IL1RL1: variants seen among roughly 807,000 people sequenced by gnomAD.
The protein encoded by IL1RL1 is interleukin 1 receptor like 1, also known as interleukin-1 receptor-like 1.
IL1RL1 carries 32 observed loss-of-function variants against 50.9 expected under a neutral mutation model. The observed-to-expected ratio is 0.63, with a 90% CI of 0.47 to 0.84. The LOEUF is 0.84. Among genes scored for constraint, IL1RL1 ranks in the 40% least tolerant of loss-of-function variants. IL1RL1 has a pLI of 0.00. For synonymous variants in IL1RL1, 275 were observed against 236.0 expected (o/e 1.17, Z -1.51); for missense variants, 773 against 662.9 (o/e 1.17, Z -1.82).
rs566099194 is a variant in IL1RL1, at chr2:102,331,697, T to C, written c.-149-6419T>C. Among the ~76,000 whole-genome samples, 5 of 152,328 alleles carry C rather than the reference T, an allele frequency of 3.3e-5. No homozygotes were observed. In the East Asian group the frequency reaches 7.7e-4, roughly 23 times the overall value. ...CATGGTGAAAGACAGACTGCTCCTG[T>C]TTAGATCCATATATAAAAGCTTTAT... On this transcript the variant is annotated intron_variant, in intron 1 of 10. Transcript: ENST00000233954.
At chr2:102,338,596 G>C (rs13408569) in intron 2 of IL1RL1, among the ~76,000 whole-genome samples, 26,577 of 152,140 alleles carry the variant, frequency 0.17, 2,649 homozygotes, top group African/African-American at 0.26. Flanking sequence ...TTTATTGACT[G>C]ACACACAGTT....
In IL1RL1 at chr2:102,339,061, G is replaced by A. The variant is rs2104984829; in HGVS notation, c.272+14G>A. ...TATTGTCAGAAGGTATTATGCAGAA[G>A]GCTCCCATCTTCTTTCACCCTGCTC... On this transcript the variant is annotated intron_variant, in intron 3 of 10. Transcript: ENST00000233954. 6.3e-7 allele frequency: 1 copy of A among 1,581,648 alleles called. No individual in the cohort carries two copies. The highest frequency in any genetic ancestry group is 8.7e-7 in the Non-Finnish European group (1 of 1,152,956).
chr2:102,348,991 A>C (rs757197486), intron 9 of IL1RL1, 88 bp from the exon 10 acceptor site: 11 of 1,009,430 alleles, frequency 1.1e-5, no homozygotes, highest in Non-Finnish European at 1.5e-5. Flanking sequence ...ACCAACAGCC[A>C]TAAAACTTGG....
intron 6 of IL1RL1, among the ~76,000 whole-genome samples, chr2:102,342,562 CCA>C (rs1273951468): frequency 3.3e-5 from 5 of 152,062 alleles, no homozygotes; most frequent in African/African-American, 1.2e-4. Context: ...CATCTCTATC[CCA>C]GAGCTTGGGA....
At chr2:102,342,688 G>A (rs546104191) in intron 6 of IL1RL1, among the ~76,000 whole-genome samples, 1 of 152,314 alleles carries the variant, frequency 6.6e-6, no homozygotes, top group East Asian at 1.9e-4. Flanking sequence ...AGATGTGGAA[G>A]AGGGCAGTTG....
At chr2:102,311,994 A>T (rs1402627787) in intron 1 of IL1RL1, among the ~76,000 whole-genome samples, 1 of 32,510 alleles carries the variant, frequency 3.1e-5, no homozygotes, top group African/African-American at 2.1e-4. Flanking sequence ...TATATTATAT[A>T]TAATATATTT....
At chr2:102,343,542 T>C (rs919637069) in intron 8 of IL1RL1, 127 bp downstream of exon 8, 2 of 1,574,988 alleles carry the variant, frequency 1.3e-6, no homozygotes, top group African/African-American at 1.3e-5. Flanking sequence ...GTGCTTCTCT[T>C]CTTCGGGATG....
In IL1RL1 at chr2:102,343,119, A is replaced by C. The variant is rs979723160; in HGVS notation, c.766A>C (p.Thr256Pro). ...LAAVLWQLNG[T>P]KITDFGEPRI... ...TGCCGTCCTGTGGCAGCTTAATGGA[A>C]CAAAAATTACAGACTTTGGTGAACC... The change falls in exon 7 of 11, where the codon ACA (threonine) becomes CCA (proline). Residue 256 changes from threonine (T) to proline (P), a missense_variant. By Grantham distance (38) the Thr-to-Pro change is conservative. Transcript: ENST00000233954. The C allele has an allele frequency of 1.2e-6, 2 of 1,614,030 alleles. No homozygotes were observed. Among genetic ancestry groups the C allele is most frequent in the Non-Finnish European group, 1.7e-6 (2 of 1,180,012 alleles).
intron 1 of IL1RL1, among the ~76,000 whole-genome samples, chr2:102,331,468 T>TAAGACTGCTGGG (rs540299035): frequency 9.9e-5 from 15 of 152,226 alleles, no homozygotes; most frequent in Admixed American, 2.0e-4. Context: ...TGCAAACTGT[T>TAAGACTGCTGGG]AAGACTGCTG....
intron 2 of IL1RL1, among the ~76,000 whole-genome samples, 171 bp downstream of exon 2, chr2:102,338,496 T>C (rs1677415856): frequency 6.6e-6 from 1 of 152,206 alleles, no homozygotes; most frequent in Non-Finnish European, 1.5e-5. Context: ...GAAGAAATTC[T>C]TTGTAATGAA....
chr2:102,340,125 G>A lies in IL1RL1; in HGVS notation c.300G>A (p.Ala100=), dbSNP rs756019926. The A allele has an allele frequency of 2.1e-5, 33 of 1,576,122 alleles. No homozygotes were observed. Among genetic ancestry groups the A allele is most frequent in the Admixed American group, 7.6e-5 (4 of 52,914 alleles). The part of the protein sequence containing the change: ...RSPTFNRTGY[A]NVTIYKKQSD... ...CCACATTCAATAGGACTGGATATGC[G>A]AATGTCACCATATATAAAAAACAAT... The change falls in exon 4 of 11, where the codon GCG becomes GCA. Residue 100 remains alanine, a synonymous_variant. Transcript: ENST00000233954.
chr2:102,330,328 C>G (rs948316711), intron 1 of IL1RL1, among the ~76,000 whole-genome samples: 2 of 148,216 alleles, frequency 1.3e-5, no homozygotes. Flanking sequence ...CATCACACAC[C>G]ACGGCCTGTT....
intron 8 of IL1RL1, chr2:102,344,937 A>G (rs1362138003): frequency 4.2e-6 from 4 of 962,566 alleles, no homozygotes; most frequent in Non-Finnish European, 4.9e-6. Flanking sequence ...CAATAAAAGG[A>G]CAACATGAAA....
intron 8 of IL1RL1, chr2:102,345,714 A>T (rs768705993): frequency 1.3e-5 from 13 of 985,450 alleles, no homozygotes; most frequent in Non-Finnish European, 1.6e-5. Flanking sequence ...AAACAGAATC[A>T]TAACTCATGT....
At chr2:102,348,153 C>T (rs1677834103) in intron 9 of IL1RL1, 62 bp downstream of exon 9, 1 of 1,351,470 alleles carries the variant, frequency 7.4e-7, no homozygotes, top group Non-Finnish European at 1.0e-6. Flanking sequence ...TGTTGGTTAC[C>T]TGTCTATTAA....
intron 1 of IL1RL1, among the ~76,000 whole-genome samples, chr2:102,333,667 C>T (rs1457036771): frequency 6.6e-6 from 1 of 152,036 alleles, no homozygotes. Flanking sequence ...TATTGCATTA[C>T]TGGTGGGGAC....
intron 9 of IL1RL1, 101 bp downstream of exon 9, chr2:102,348,192 G>C: frequency 1.1e-6 from 1 of 940,818 alleles, no homozygotes; most frequent in Non-Finnish European, 1.6e-6. Flanking sequence ...GCTAAGCCCA[G>C]ATTCCATTTT....
At chr2:102,331,611 G>A (rs957926589) in intron 1 of IL1RL1, among the ~76,000 whole-genome samples, 5 of 152,166 alleles carry the variant, frequency 3.3e-5, no homozygotes, top group African/African-American at 1.2e-4. Flanking sequence ...GGGTGACTCA[G>A]GTCTCATCTT....
In IL1RL1 at chr2:102,347,873, C is replaced by T. The variant is rs907271873; in HGVS notation, c.971-72C>T. The stretch of plus-strand genomic sequence containing the variant: ...GAAATTCTTGTACTCCCAAGGGAAG[C>T]CAACATCCATGTATCAGTTTATTAT... On this transcript the variant is annotated intron_variant, in intron 8 of 10. Coordinates refer to ENST00000233954, the MANE Select transcript of IL1RL1 (RefSeq NM_016232.5). The T allele has an allele frequency of 5.7e-6, 5 of 881,998 alleles. No homozygotes were observed. In the African/African-American group the frequency reaches 6.7e-5, roughly 12 times the overall value. The allele number at this position is 881,998 out of a possible 1,614,324, so 54.6% of individuals were successfully genotyped here.
Sources: gnomAD v4.1 joint callset for allele counts (sites outside exome capture counted in the v4.1 genomes callset) on GRCh38, gnomAD v4.1.1 for gene constraint, MANE v1.5 for transcripts, NCBI Gene and HGNC (gene_info 2026-07-23, HGNC 2026-07-21) for gene names.